The following RAB40B variants were observed in gnomAD, a reference collection of about 807,000 sequenced individuals.
RAB40B encodes the protein RAB40B, member RAS oncogene family.
A neutral mutation model predicts 24.0 loss-of-function variants in RAB40B; 21 were observed. That is an observed-to-expected ratio of 0.88 (90% CI 0.62 to 1.26). The LOEUF is 1.26. Ranked by LOEUF, RAB40B falls within the 50% of genes most tolerant of loss-of-function variation. The pLI, the probability that RAB40B is intolerant of heterozygous loss-of-function variation, is 0.00. For missense variants in RAB40B, 348 were observed against 390.5 expected (o/e 0.89, Z 0.92); for synonymous variants, 167 against 169.8 (o/e 0.98, Z 0.13).
intron 2 of RAB40B, chr17:82,662,584 A>G (rs1250292277): frequency 1.0e-6 from 1 of 984,828 alleles, no homozygotes; most frequent in African/African-American, 1.8e-5. Flanking sequence ...GAAGGACCAC[A>G]CTCTGGGGTC....
chr17:82,667,872 G>A lies in RAB40B; in HGVS notation c.143-3316C>T, dbSNP rs957039222. 8.5e-5 allele frequency among the ~76,000 whole-genome samples: 13 copies of A among 152,124 alleles called. No individual in the cohort carries two copies. ...CGAGGCTTTCCTGAGCTGGCCAAACGTTTGCCACCGAGCCCAGCAGGCACG... is the reference window on the plus strand; with the variant it reads ...CGAGGCTTTCCTGAGCTGGCCAAACATTTGCCACCGAGCCCAGCAGGCACG... On this transcript the variant is annotated intron_variant, in intron 1 of 5. Transcript: ENST00000571995. This position sits in a 1 kb window ranked among gnomAD's most constrained non-coding sequence, Gnocchi z 4.3.
At position 82,673,429 on chromosome 17, in the gene RAB40B, C is replaced by A. The variant is rs567575035; in HGVS notation, c.143-8873G>T. 4.1e-5 allele frequency among the ~76,000 whole-genome samples: 6 copies of A among 146,390 alleles called. No individual in the cohort carries two copies. The South Asian group carries it at 1.3e-3, about 33-fold the overall frequency. On this transcript the variant is annotated intron_variant, in intron 1 of 5. Transcript: ENST00000571995. The stretch of plus-strand genomic sequence containing the variant: ...GGACTGTTGCCCTGGGGCCCCCACT[C>A]CCTTACTGCTGGATTCCATCCTTCC...
intron 1 of RAB40B, among the ~76,000 whole-genome samples, chr17:82,669,834 G>A (rs911236175): frequency 3.3e-5 from 5 of 152,188 alleles, no homozygotes; most frequent in Admixed American, 1.3e-4. Flanking sequence ...CATGTGCCAA[G>A]TCCTGCAGCC....
intron 1 of RAB40B, among the ~76,000 whole-genome samples, chr17:82,682,820 C>T (rs555532117): frequency 4.6e-5 from 7 of 152,226 alleles, no homozygotes; most frequent in Non-Finnish European, 1.0e-4. Context: ...GCAAAAGTAA[C>T]GAATCTCAAT....
intron 1 of RAB40B, among the ~76,000 whole-genome samples, chr17:82,666,091 C>T (rs537264633): frequency 3.4e-4 from 51 of 151,328 alleles, no homozygotes; most frequent in Non-Finnish European, 6.1e-4. Context: ...CACCTGCCAC[C>T]GCACCTGCCA....
intron 3 of RAB40B, among the ~76,000 whole-genome samples, chr17:82,660,570 A>G (rs2046156999): frequency 6.6e-6 from 1 of 151,176 alleles, no homozygotes; most frequent in Non-Finnish European, 1.5e-5. Flanking sequence ...ACACACACGC[A>G]CAGGCACTCA....
rs529890246 is a variant in RAB40B, at chr17:82,655,161, C to G, written c.*2702G>C. On this transcript the variant is annotated 3_prime_UTR_variant, in exon 6 of 6. Coordinates refer to ENST00000571995, the MANE Select transcript of RAB40B (RefSeq NM_006822.3). ...AGGCTGCCGTAACAATCGCCACAAACCTGGTGACTTAAATAACAAATATTT... is the reference window on the plus strand; with the variant it reads ...AGGCTGCCGTAACAATCGCCACAAAGCTGGTGACTTAAATAACAAATATTT... 2.6e-5 allele frequency: 4 copies of G among 152,208 alleles called. No homozygotes were observed. In the South Asian group the frequency reaches 8.3e-4, roughly 32 times the overall value. 9.4% of individuals were successfully genotyped at this position (152,208 alleles called of 1,614,324 possible).
At position 82,657,530 on chromosome 17, in the gene RAB40B, A is replaced by G. The variant is rs2143434394; in HGVS notation, c.*333T>C. On this transcript the variant is annotated 3_prime_UTR_variant, in exon 6 of 6. Coordinates refer to ENST00000571995, the MANE Select transcript of RAB40B (RefSeq NM_006822.3). ...CATTGAATTTATACTAATCACTCCA[A>G]TATCACCGTTCTTACAAAAGCAGTT... 2.4e-6 allele frequency: 1 copy of G among 408,920 alleles called. No individual in the cohort carries two copies. The highest frequency in any genetic ancestry group is 2.0e-5 in the African/African-American group (1 of 48,900). 25.3% of individuals were successfully genotyped at this position (408,920 alleles called of 1,614,324 possible).
chr17:82,658,288 C>T (rs991779829), intron 5 of RAB40B, 154 bp from the exon 6 acceptor site: 8 of 1,150,962 alleles, frequency 7.0e-6, no homozygotes, highest in Non-Finnish European at 9.7e-6. Context: ...GACGTCCCCT[C>T]TGCCCACGTA....
chr17:82,662,813 T>C, intron 2 of RAB40B: 1 of 985,290 alleles, frequency 1.0e-6, no homozygotes, highest in Non-Finnish European at 1.2e-6. Flanking sequence ...CAGGGAGGCG[T>C]TCGCTAAGGT....
intron 2 of RAB40B, among the ~76,000 whole-genome samples, chr17:82,661,523 G>C (rs940678313): frequency 6.6e-6 from 1 of 152,136 alleles, no homozygotes; most frequent in African/African-American, 2.4e-5. Context: ...TGCAGGCAGG[G>C]CTTGAGTTCT....
rs977594548 is a variant in RAB40B at position 82,679,321 on chromosome 17, G to A, written c.143-14765C>T. Among the ~76,000 whole-genome samples the A allele has an allele frequency of 1.1e-4, 17 of 150,286 alleles. 1 individual carries two copies. Among genetic ancestry groups the A allele is most frequent in the Admixed American group, 2.7e-4 (4 of 15,046 alleles). ...TTTTGAGATGGAGTCTTGCTCTGTC[G>A]CCCAGGCTGGAGTGCAGTGGCGCAA... On this transcript the variant is annotated intron_variant, in intron 1 of 5. Transcript: ENST00000571995.
chr17:82,677,988 T>C (rs1042661631), intron 1 of RAB40B, among the ~76,000 whole-genome samples: 12 of 152,228 alleles, frequency 7.9e-5, no homozygotes, highest in African/African-American at 2.9e-4. Context: ...AACGCAGCCA[T>C]GTCTGCCTAG....
At chr17:82,665,077 G>A (rs1231026037) in intron 1 of RAB40B, among the ~76,000 whole-genome samples, 3 of 152,216 alleles carry the variant, frequency 2.0e-5, no homozygotes, top group Admixed American at 6.5e-5. Context: ...TGGGATGCCC[G>A]CTCTCAGCTG....
chr17:82,680,125 G>A (rs536347202), intron 1 of RAB40B, among the ~76,000 whole-genome samples: 9 of 152,360 alleles, frequency 5.9e-5, no homozygotes, highest in African/African-American at 1.7e-4. Flanking sequence ...TGCTCAGACC[G>A]GAGGCCTGGC....
At chr17:82,686,505 A>G (rs117730815) in intron 1 of RAB40B, among the ~76,000 whole-genome samples, 434 of 152,266 alleles carry the variant, frequency 2.9e-3, no homozygotes, top group Middle Eastern at 6.8e-3. Context: ...AAGCACAGAG[A>G]GATTTGGGGA....
chr17:82,687,173 C>G (rs74532348), intron 1 of RAB40B, among the ~76,000 whole-genome samples: 3,866 of 152,022 alleles, frequency 0.025, 184 homozygotes, highest in African/African-American at 0.089. Flanking sequence ...CGTGAGTGTA[C>G]CACAGTGTTC....
Position 82,692,094 on chromosome 17 carries a change from C to T in RAB40B, c.142+6361G>A, listed in dbSNP as rs1429560875. Among the ~76,000 whole-genome samples the T allele has an allele frequency of 8.9e-4, 14 of 15,780 alleles. No homozygotes were observed. Among genetic ancestry groups the T allele is most frequent in the Non-Finnish European group, 7.2e-4 (5 of 6,958 alleles). 10.4% of individuals were successfully genotyped at this position (15,780 alleles called of 152,430 possible). On this transcript the variant is annotated intron_variant, in intron 1 of 5. Coordinates refer to ENST00000571995, the MANE Select transcript of RAB40B (RefSeq NM_006822.3). This position sits in a 1 kb window ranked among gnomAD's most constrained non-coding sequence, Gnocchi z 4.0. ...TGAGGTGACAGGCAGAGCAGTGGGG[C>T]CCGCACGGTCCGTGGGCTGAGGTGA...
At chr17:82,674,402 T>C (rs941279293) in intron 1 of RAB40B, among the ~76,000 whole-genome samples, 3 of 142,726 alleles carry the variant, frequency 2.1e-5, no homozygotes, top group Admixed American at 7.2e-5. Flanking sequence ...GAGGCCAAGG[T>C]GGGCGGATCA....
Sources: allele counts gnomAD v4.1 joint callset (sites outside exome capture counted in the v4.1 genomes callset), GRCh38; gene constraint gnomAD v4.1.1; non-coding constraint Gnocchi (gnomAD v3.1); transcripts MANE v1.5; gene names NCBI Gene and HGNC (gene_info 2026-07-23, HGNC 2026-07-21).